Variants in MARCHF1 observed in about 807,000 individuals in gnomAD.
MARCHF1 encodes the protein membrane associated ring-CH-type finger 1, also known as E3 ubiquitin-protein ligase MARCHF1.
A neutral mutation model predicts 54.2 loss-of-function variants in MARCHF1; 40 were observed. That is an observed-to-expected ratio of 0.74 (90% confidence interval 0.57 to 0.96). The LOEUF (loss-of-function observed/expected upper bound fraction) is 0.96, where lower values mean the gene tolerates loss of function less well. Ranked by LOEUF, MARCHF1 falls within the 40% of genes least tolerant of loss-of-function variation. The pLI is 0.00. For missense variants in MARCHF1, 586 were observed against 656.5 expected (o/e 0.89, Z 1.17); for synonymous variants, 236 against 236.3 (o/e 1.00, Z 0.01).
In MARCHF1 at chr4:163,734,954, G is replaced by A. The variant is rs114119443; in HGVS notation, c.112-34091C>T. On this transcript the variant is annotated intron_variant, in intron 4 of 9. Coordinates refer to ENST00000514618, the MANE Select transcript of MARCHF1 (RefSeq NM_001394959.1). ...TTAATGTTCCTACTATGAGTTCAAAGGTTCTACATGATCTGGCTCCTTGCT... is the reference window on the plus strand; with the variant it reads ...TTAATGTTCCTACTATGAGTTCAAAAGTTCTACATGATCTGGCTCCTTGCT... Among the ~76,000 whole-genome samples, 736 of 152,174 alleles carry A rather than the reference G, an allele frequency of 4.8e-3. 7 individuals are homozygous for A. Among genetic ancestry groups the A allele is most frequent in the African/African-American group, 0.017 (703 of 41,528 alleles).
intron 5 of MARCHF1, among the ~76,000 whole-genome samples, chr4:163,620,010 G>T (rs76167671): frequency 3.9e-5 from 6 of 151,922 alleles, no homozygotes; most frequent in African/African-American, 1.5e-4. Context: ...TCATTTTATT[G>T]CATATATGAT....
intron 1 of MARCHF1, among the ~76,000 whole-genome samples, chr4:164,173,787 A>G (rs924531884): frequency 2.0e-5 from 3 of 152,148 alleles, no homozygotes; most frequent in African/African-American, 7.2e-5. Flanking sequence ...TGCCAGAGCC[A>G]CACTTTCTGT....
chr4:163,757,916 G>A (rs989873216), intron 4 of MARCHF1, among the ~76,000 whole-genome samples: 1 of 151,974 alleles, frequency 6.6e-6, no homozygotes, highest in South Asian at 2.1e-4. Flanking sequence ...CTATTAATAG[G>A]GTCAAAATGA....
At chr4:164,169,024 A>T (rs10016446) in intron 1 of MARCHF1, among the ~76,000 whole-genome samples, 28,738 of 151,868 alleles carry the variant, frequency 0.19, 4,358 homozygotes, top group African/African-American at 0.41. Flanking sequence ...TAATGTACAA[A>T]ATGAAGATGA....
chr4:164,356,345 A>G (rs1730536708), intron 1 of MARCHF1, among the ~76,000 whole-genome samples: 1 of 142,526 alleles, frequency 7.0e-6, no homozygotes, highest in African/African-American at 2.5e-5. Context: ...TATTCACAAT[A>G]GAAAAGACTT....
chr4:163,886,483 TA>T (rs571843171), intron 3 of MARCHF1, among the ~76,000 whole-genome samples: 1 of 151,448 alleles, frequency 6.6e-6, no homozygotes, highest in African/African-American at 2.4e-5. Context: ...AGGCAGCTTG[TA>T]AAAAAAATAC....
At chr4:164,363,501 A>C (rs1410710584) in intron 1 of MARCHF1, among the ~76,000 whole-genome samples, 1 of 152,138 alleles carries the variant, frequency 6.6e-6, no homozygotes, top group Admixed American at 6.6e-5. Context: ...AACAGAGGCC[A>C]CTAGAGATGT....
At chr4:163,930,154 G>A (rs1445679270) in intron 3 of MARCHF1, among the ~76,000 whole-genome samples, 1 of 150,584 alleles carries the variant, frequency 6.6e-6, no homozygotes, top group Non-Finnish European at 1.5e-5. Flanking sequence ...TATTTTTAAG[G>A]TATACAGAAA....
chr4:164,333,906 A>G (rs1237715544), intron 1 of MARCHF1, among the ~76,000 whole-genome samples: 2 of 152,242 alleles, frequency 1.3e-5, no homozygotes, highest in African/African-American at 2.4e-5. Flanking sequence ...AGAAGGTAAA[A>G]CAGTCTTATC....
chr4:163,733,225 G>GTATATATA (rs1561047100), intron 4 of MARCHF1, among the ~76,000 whole-genome samples: 1 of 13,032 alleles, frequency 7.7e-5, no homozygotes, highest in Non-Finnish European at 2.3e-4. Context: ...ATATATACAC[G>GTATATATA]TGTATATATA....
At chr4:163,572,818 G>A (rs1326176127) in intron 8 of MARCHF1, among the ~76,000 whole-genome samples, 3 of 152,048 alleles carry the variant, frequency 2.0e-5, no homozygotes, top group Non-Finnish European at 4.4e-5. Flanking sequence ...GGTATGCATT[G>A]CTCAGCATCT....
intron 1 of MARCHF1, among the ~76,000 whole-genome samples, chr4:164,277,632 TC>T (rs952668708): frequency 1.3e-5 from 2 of 152,268 alleles, no homozygotes; most frequent in Non-Finnish European, 2.9e-5. Flanking sequence ...AGGCCCATTC[TC>T]TTTTGCAATC....
At chr4:163,917,557 G>T (rs1751336971) in intron 3 of MARCHF1, among the ~76,000 whole-genome samples, 1 of 151,928 alleles carries the variant, frequency 6.6e-6, no homozygotes, top group Admixed American at 6.6e-5. Flanking sequence ...CATCTTCTTT[G>T]GTGAGGTGTC....
At position 163,586,032 on chromosome 4, in the gene MARCHF1, T is replaced by C. The variant is rs775918378; in HGVS notation, c.1011-103A>G. ...ACTAGGGCTATTATAAACCGCAACC[T>C]AAGATTTAGAACACATGGACATTTT... On this transcript the variant is annotated intron_variant, in intron 7 of 9. Transcript: ENST00000514618. 111 of 996,884 alleles carry C rather than the reference T, an allele frequency of 1.1e-4. 1 individual carries two copies. The highest frequency in any genetic ancestry group is 1.5e-4 in the Non-Finnish European group (103 of 703,218). The allele number at this position is 996,884 out of a possible 1,614,324, so 61.8% of individuals were successfully genotyped here.
intron 2 of MARCHF1, among the ~76,000 whole-genome samples, chr4:164,055,800 T>C (rs1433891325): frequency 6.6e-6 from 1 of 152,214 alleles, no homozygotes; most frequent in Non-Finnish European, 1.5e-5. Context: ...CTTTATTTTA[T>C]ATCCTCATTA....
At chr4:163,789,230 T>C (rs1747703704) in intron 4 of MARCHF1, among the ~76,000 whole-genome samples, 1 of 152,016 alleles carries the variant, frequency 6.6e-6, no homozygotes, top group Non-Finnish European at 1.5e-5. Context: ...ATGCAAATAC[T>C]GCAGGATAGA....
intron 2 of MARCHF1, among the ~76,000 whole-genome samples, chr4:164,080,047 G>A (rs1348230751): frequency 6.6e-6 from 1 of 151,968 alleles, no homozygotes; most frequent in East Asian, 1.9e-4. Context: ...TTGACAATGT[G>A]CCAATTCTAC....
intron 8 of MARCHF1, among the ~76,000 whole-genome samples, chr4:163,575,061 G>A (rs1739989742): frequency 6.6e-6 from 1 of 151,976 alleles, no homozygotes; most frequent in Admixed American, 6.6e-5. Context: ...CCAGTACTAT[G>A]TTGAATAGGA....
intron 3 of MARCHF1, among the ~76,000 whole-genome samples, chr4:163,930,556 C>T (rs1751649630): frequency 6.7e-6 from 1 of 148,736 alleles, no homozygotes; most frequent in East Asian, 2.0e-4. Context: ...GATATTCAGT[C>T]AAACTTCATT....
Sources: allele counts gnomAD v4.1 joint callset (sites outside exome capture counted in the v4.1 genomes callset), GRCh38; gene constraint gnomAD v4.1.1; transcripts MANE v1.5; gene names NCBI Gene and HGNC (gene_info 2026-07-23, HGNC 2026-07-21).